The following ATP9B variants were observed in gnomAD, a reference collection of about 807,000 sequenced individuals.
ATP9B encodes probable phospholipid-transporting ATPase IIB.
In ATP9B, 110 loss-of-function variants were observed where a neutral mutation model predicts 146.1. That is an observed-to-expected ratio of 0.75 (90% CI 0.65 to 0.88). The LOEUF (loss-of-function observed/expected upper bound fraction) is 0.88, where lower values mean the gene tolerates loss of function less well. Ranked by LOEUF, ATP9B falls within the 40% of genes least tolerant of loss-of-function variation. The pLI is 0.00. For synonymous variants in ATP9B, 604 were observed against 569.7 expected, an observed-to-expected ratio of 1.06 and a Z score of -0.86; for missense variants, 1,499 against 1,496.4, an observed-to-expected ratio of 1.00 and a Z score of -0.03.
chr18:79,166,837 T>A (rs1352122055), intron 7 of ATP9B, among the ~76,000 whole-genome samples: 2 of 152,180 alleles, frequency 1.3e-5, no homozygotes, highest in African/African-American at 4.8e-5. Context: ...TTTGCTTAGC[T>A]TGTGCTGCCG....
Position 79,127,450 on chromosome 18 carries a change from A to G in ATP9B, c.667+1075A>G, listed in dbSNP as rs142741384. 1.0e-3 allele frequency among the ~76,000 whole-genome samples: 156 copies of G among 152,156 alleles called. 2 individuals are homozygous for G. The highest frequency in any genetic ancestry group is 3.6e-3 in the African/African-American group (151 of 41,514). On this transcript the variant is annotated intron_variant, in intron 5 of 29. Coordinates refer to ENST00000426216, the MANE Select transcript of ATP9B (RefSeq NM_198531.5). Reference sequence around the variant, plus strand: ...TGCCCACTCTGCACATTTCATATCAATGGAATTATGCAATGTGTGGTCCTT... The same window carrying G: ...TGCCCACTCTGCACATTTCATATCAGTGGAATTATGCAATGTGTGGTCCTT...
At chr18:79,130,480 A>G (rs575262569) in intron 5 of ATP9B, among the ~76,000 whole-genome samples, 1 of 151,644 alleles carries the variant, frequency 6.6e-6, no homozygotes, top group Admixed American at 6.6e-5. Flanking sequence ...AGCGTACCAA[A>G]TACACATGAT....
chr18:79,190,335 C>T (rs966307493), intron 8 of ATP9B, among the ~76,000 whole-genome samples: 10 of 152,026 alleles, frequency 6.6e-5, no homozygotes, highest in African/African-American at 2.4e-4. Context: ...GGTGTATCTT[C>T]AAGGTTTTTC....
chr18:79,361,668 A>G, intron 26 of ATP9B: 2 of 582,078 alleles, frequency 3.4e-6, no homozygotes, highest in Non-Finnish European at 4.3e-6. Context: ...TGAGCCACTA[A>G]AGTTAATTTA....
chr18:79,173,126 C>T (rs879469255), intron 7 of ATP9B, among the ~76,000 whole-genome samples: 1 of 152,168 alleles, frequency 6.6e-6, no homozygotes, highest in Non-Finnish European at 1.5e-5. Context: ...GTTTGCCATC[C>T]TCAGGACTCT....
chr18:79,274,632 A>C (rs904189550), intron 12 of ATP9B, among the ~76,000 whole-genome samples: 11 of 152,150 alleles, frequency 7.2e-5, no homozygotes, highest in Admixed American at 2.0e-4. Context: ...GTGGTATTAC[A>C]TACTCCCTAT....
At chr18:79,367,630 C>T (rs2097042155) in intron 26 of ATP9B, among the ~76,000 whole-genome samples, 1 of 152,252 alleles carries the variant, frequency 6.6e-6, no homozygotes, top group Non-Finnish European at 1.5e-5. Context: ...CAGTTGGAGG[C>T]CCCGCTGGGG....
intron 1 of ATP9B, among the ~76,000 whole-genome samples, chr18:79,073,302 A>T (rs1336106548): frequency 1.3e-5 from 2 of 152,144 alleles, no homozygotes; most frequent in Non-Finnish European, 2.9e-5. Flanking sequence ...GGTTGTAGCG[A>T]GCCGAGATCA....
intron 12 of ATP9B, among the ~76,000 whole-genome samples, chr18:79,273,481 C>T (rs1005501095): frequency 2.6e-5 from 4 of 152,184 alleles, no homozygotes; most frequent in Non-Finnish European, 4.4e-5. Flanking sequence ...TTAATTTCTT[C>T]GGTAAAACTT....
Position 79,139,177 on chromosome 18 carries a change from C to G in ATP9B, c.668-4625C>G, listed in dbSNP as rs1446168286. Among the ~76,000 whole-genome samples, 4 of 152,256 alleles carry G rather than the reference C, an allele frequency of 2.6e-5. No individual in the cohort carries two copies. In the East Asian group the frequency reaches 7.7e-4, roughly 29 times the overall value. On this transcript the variant is annotated intron_variant, in intron 5 of 29. Coordinates refer to ENST00000426216, the MANE Select transcript of ATP9B (RefSeq NM_198531.5). ...TTAGTAGGTCTTACTTTGCTATGTG[C>G]CTTAATCCGTTATGACATTGACTCA...
chr18:79,130,699 CAG>C (rs144057631), intron 5 of ATP9B, among the ~76,000 whole-genome samples: 123 of 148,892 alleles, frequency 8.3e-4, no homozygotes, highest in Admixed American at 1.0e-3. Flanking sequence ...ACCCTGAAAG[CAG>C]AGAGAGAGAG....
At chr18:79,216,947 G>A (rs769485394) in intron 11 of ATP9B, among the ~76,000 whole-genome samples, 6 of 152,150 alleles carry the variant, frequency 3.9e-5, no homozygotes, top group Non-Finnish European at 7.3e-5. Context: ...TCACGATAGC[G>A]GTTCTAGCTC....
At chr18:79,149,057 G>A (rs1166367443) in intron 6 of ATP9B, among the ~76,000 whole-genome samples, 1 of 152,168 alleles carries the variant, frequency 6.6e-6, no homozygotes, top group Non-Finnish European at 1.5e-5. Context: ...ATCTCTTTTC[G>A]ATTGGAGCAT....
intron 11 of ATP9B, among the ~76,000 whole-genome samples, chr18:79,250,176 G>A (rs956750538): frequency 1.3e-5 from 2 of 152,168 alleles, no homozygotes; most frequent in African/African-American, 4.8e-5. Flanking sequence ...CATCCAATAC[G>A]TGGCATTTTT....
At chr18:79,297,094 G>A (rs940073385) in intron 13 of ATP9B, among the ~76,000 whole-genome samples, 1 of 148,046 alleles carries the variant, frequency 6.8e-6, no homozygotes, top group Non-Finnish European at 1.5e-5. Flanking sequence ...AGACACAGAC[G>A]ACCCAGAGAG....
chr18:79,282,039 G>A (rs1293163912), intron 13 of ATP9B, among the ~76,000 whole-genome samples: 1 of 152,220 alleles, frequency 6.6e-6, no homozygotes, highest in African/African-American at 2.4e-5. Context: ...CAAGACCTCA[G>A]CGGAGGGAAG....
At chr18:79,077,851 C>T (rs548094543) in intron 1 of ATP9B, 2 of 152,378 alleles carry the variant, frequency 1.3e-5, no homozygotes, top group African/African-American at 4.8e-5. Flanking sequence ...CTGCAGCCCT[C>T]TCTGGCTGTA....
At position 79,222,131 on chromosome 18, in the gene ATP9B, CTT is replaced by C. The variant is rs2095686107; in HGVS notation, c.1107+8096_1107+8097del. Among the ~76,000 whole-genome samples the C allele has an allele frequency of 4.6e-5, 7 of 152,058 alleles. No individual in the cohort carries two copies. In the South Asian group the frequency reaches 1.5e-3, roughly 32 times the overall value. On this transcript the variant is annotated intron_variant, in intron 11 of 29. Coordinates refer to ENST00000426216, the MANE Select transcript of ATP9B (RefSeq NM_198531.5). Reference sequence around the variant, plus strand: ...TTTATATTTATCTCTTAGTCTTTATCTTTTATTTTTTTAGACAGGCAGAGACC... The same window carrying C: ...TTTATATTTATCTCTTAGTCTTTATCTTATTTTTTTAGACAGGCAGAGACC...
chr18:79,377,552 C>T lies in ATP9B; in HGVS notation c.*169C>T, dbSNP rs533599803. Reference sequence around the variant, plus strand: ...ACAGATGCTGAGACAGCCTCTCCTTCTCAGTGCAGGGACGTCACCCCTGCC... The same window carrying T: ...ACAGATGCTGAGACAGCCTCTCCTTTTCAGTGCAGGGACGTCACCCCTGCC... On this transcript the variant is annotated 3_prime_UTR_variant, in exon 30 of 30. Transcript: ENST00000426216. The T allele has an allele frequency of 3.6e-4, 320 of 888,152 alleles. No homozygotes were observed. Among genetic ancestry groups the T allele is most frequent in the Admixed American group, 9.0e-4 (34 of 37,878 alleles). The allele number at this position is 888,152 out of a possible 1,614,324, so 55.0% of individuals were successfully genotyped here. A position where few individuals can be genotyped will look rare whatever the true frequency, so the allele number is the denominator to read the frequency against.
Sources: gnomAD v4.1 joint callset for allele counts (sites outside exome capture counted in the v4.1 genomes callset) on GRCh38, gnomAD v4.1.1 for gene constraint, MANE v1.5 for transcripts, NCBI Gene and HGNC (gene_info 2026-07-23, HGNC 2026-07-21) for gene names.